Variants in GUCY2C observed in about 807,000 individuals in gnomAD.
GUCY2C encodes guanylate cyclase 2C.
In GUCY2C, 118 loss-of-function variants were observed where a neutral mutation model predicts 131.1. That is an observed-to-expected ratio of 0.90 (90% confidence interval 0.78 to 1.05). The LOEUF is 1.05. GUCY2C is among the 50% of genes least tolerant of loss of function. The pLI is 0.00. For synonymous variants in GUCY2C, 452 were observed against 457.8 expected, an observed-to-expected ratio of 0.99 and a Z score of 0.16; for missense variants, 1,161 against 1,304.4, an observed-to-expected ratio of 0.89 and a Z score of 1.69.
chr12:14,617,519 C>T (rs1446131819), intron 24 of GUCY2C, among the ~76,000 whole-genome samples: 3 of 152,124 alleles, frequency 2.0e-5, no homozygotes, highest in Middle Eastern at 3.2e-3. Flanking sequence ...ATAGCTAAAG[C>T]CTTGTGGGCA....
intron 17 of GUCY2C, among the ~76,000 whole-genome samples, chr12:14,643,155 A>G (rs1947442888): frequency 6.6e-6 from 1 of 152,192 alleles, no homozygotes; most frequent in Non-Finnish European, 1.5e-5. Context: ...TAAATGAATG[A>G]TGTCTTGAAT....
chr12:14,645,208 C>T, intron 16 of GUCY2C, 21 bp downstream of exon 16: 1 of 1,234,056 alleles, frequency 8.1e-7, no homozygotes, highest in South Asian at 1.3e-5. Flanking sequence ...TTCATATTTT[C>T]TGTGTGTGTG....
chr12:14,689,912 C>T (rs960456175), intron 1 of GUCY2C, among the ~76,000 whole-genome samples: 3 of 152,206 alleles, frequency 2.0e-5, no homozygotes, highest in African/African-American at 7.2e-5. Flanking sequence ...ACCCACACTT[C>T]TCACATGAAA....
intron 16 of GUCY2C, 103 bp from the exon 17 acceptor site, chr12:14,643,809 T>G: frequency 1.0e-6 from 1 of 966,092 alleles, no homozygotes; most frequent in Middle Eastern, 2.2e-4. Flanking sequence ...CAGCAGATGG[T>G]CACACCATCA....
At chr12:14,684,201 C>T (rs1948411706) in intron 3 of GUCY2C, among the ~76,000 whole-genome samples, 1 of 152,154 alleles carries the variant, frequency 6.6e-6, no homozygotes, top group South Asian at 2.1e-4. Context: ...GGACTTTCCT[C>T]CCATGAACTT....
At chr12:14,626,638 G>T (rs1326069508) in intron 20 of GUCY2C, among the ~76,000 whole-genome samples, 17 of 152,090 alleles carry the variant, frequency 1.1e-4, no homozygotes, top group Admixed American at 1.1e-3. Flanking sequence ...TATAACAAAA[G>T]TGTGGTTAAA....
chr12:14,679,754 C>A lies in GUCY2C; in HGVS notation c.734-1G>T. The A allele has an allele frequency of 6.6e-7, 1 of 1,508,430 alleles. No individual in the cohort carries two copies. The highest frequency in any genetic ancestry group is 9.2e-7 in the Non-Finnish European group (1 of 1,083,764). The allele number at this position is 1,508,430 out of a possible 1,614,324, so 93.4% of individuals were successfully genotyped here. A position where few individuals can be genotyped will look rare whatever the true frequency, so the allele number is the denominator to read the frequency against. On this transcript the variant is annotated splice_acceptor_variant, in intron 5 of 26. Coordinates refer to ENST00000261170, the MANE Select transcript of GUCY2C (RefSeq NM_004963.4). LOFTEE classifies it high-confidence loss of function. ...TCTGGACCACCACACATAATAATCA[C>A]TGGAGGAGAAGGTAAGACAAGGAGA...
chr12:14,632,748 G>A (rs909859586), intron 19 of GUCY2C, among the ~76,000 whole-genome samples: 1 of 152,170 alleles, frequency 6.6e-6, no homozygotes, highest in African/African-American at 2.4e-5. Flanking sequence ...CTCAGGACAG[G>A]TCCACCTGGC....
intron 18 of GUCY2C, 37 bp downstream of exon 18, chr12:14,641,045 A>C (rs1947391749): frequency 1.2e-6 from 2 of 1,602,484 alleles, no homozygotes; most frequent in Admixed American, 3.3e-5. Flanking sequence ...AGGTTGGCTC[A>C]CTCCCAGAGG....
rs577891695 is a variant in GUCY2C, at chr12:14,688,080, A to T, written c.218-17T>A. ...CATTTAGGCCTGTCGCCCAGAGATG[A>T]GGGAAAATAGAACACTAGTGTTATT... On this transcript the variant is annotated splice_polypyrimidine_tract_variant and intron_variant, in intron 1 of 26. Transcript: ENST00000261170. 1 of 1,438,232 alleles carries T rather than the reference A, an allele frequency of 7.0e-7. No homozygotes were observed. The highest frequency in any genetic ancestry group is 9.8e-7 in the Non-Finnish European group (1 of 1,019,814). 89.1% of individuals were successfully genotyped at this position (1,438,232 alleles called of 1,614,324 possible).
intron 19 of GUCY2C, among the ~76,000 whole-genome samples, chr12:14,639,038 T>C (rs762611873): frequency 7.9e-5 from 12 of 152,136 alleles, no homozygotes; most frequent in Non-Finnish European, 1.2e-4. Context: ...ACACCTATTA[T>C]GTAATCCCAG....
intron 7 of GUCY2C, among the ~76,000 whole-genome samples, chr12:14,675,246 G>GAAAA (rs71438324): frequency 2.0e-5 from 2 of 102,438 alleles, no homozygotes; most frequent in Non-Finnish European, 4.1e-5. Flanking sequence ...AAGAAAGAAA[G>GAAAA]AAAGAAAAAA....
rs143367522 is a variant in GUCY2C, at chr12:14,652,002, T to C, written c.1562A>G (p.Asn521Ser). 116 of 1,603,916 alleles carry C rather than the reference T, an allele frequency of 7.2e-5. No homozygotes were observed. In the African/African-American group the frequency reaches 1.4e-3, roughly 20 times the overall value. Residue 521 changes from asparagine to serine, a missense_variant, in exon 14 of 27, where the codon AAT (asparagine) becomes AGT (serine). Physicochemically the swap from Asn to Ser is conservative, Grantham distance 46. Transcript: ENST00000261170. ...CTGTTTTTCAGTGAAATTACCATCA[T>C]TGTGCTTGAGATCTTTGAGAATCAC... is the stretch of plus-strand genomic sequence containing the variant. ...KRVILKDLKH[N>S]DGNFTEKQKI...
chr12:14,675,736 AC>A (rs1202388307), intron 7 of GUCY2C, among the ~76,000 whole-genome samples: 2 of 152,168 alleles, frequency 1.3e-5, no homozygotes, highest in African/African-American at 4.8e-5. Context: ...CTGAACTGAG[AC>A]CAAGTGGGTT....
intron 1 of GUCY2C, among the ~76,000 whole-genome samples, chr12:14,690,362 C>T (rs1184723931): frequency 6.6e-6 from 1 of 152,164 alleles, no homozygotes; most frequent in East Asian, 1.9e-4. Flanking sequence ...TAATGGAGAA[C>T]TCCCATATTT....
chr12:14,658,608 G>C (rs7955505), intron 11 of GUCY2C, among the ~76,000 whole-genome samples: 70,213 of 152,040 alleles, frequency 0.46, 16,742 homozygotes, highest in East Asian at 0.72. Context: ...CCCAGGAGGT[G>C]GAGGTTGCAG....
In GUCY2C at chr12:14,672,897, C is replaced by CAGA; in HGVS notation, c.1143_1145dup (p.Leu382dup). The CAGA allele has an allele frequency of 6.2e-7, 1 of 1,605,588 alleles. No homozygotes were observed. Among genetic ancestry groups the CAGA allele is most frequent in the South Asian group, 1.1e-5 (1 of 90,890 alleles). On this transcript the variant is annotated inframe_insertion, in exon 9 of 27. Transcript: ENST00000261170. ...CTTTCTTGGTGTCCACAGAGGTATA[C>CAGA]AGAAGCACCATGGTACTGTCAACAT...
Position 14,614,958 on chromosome 12 carries a change from G to C in GUCY2C, c.2971-15C>G, listed in dbSNP as rs1946726595. 1 of 1,483,852 alleles carries C rather than the reference G, an allele frequency of 6.7e-7. No homozygotes were observed. Among genetic ancestry groups the C allele is most frequent in the Non-Finnish European group, 9.2e-7 (1 of 1,086,914 alleles). 91.9% of individuals were successfully genotyped at this position (1,483,852 alleles called of 1,614,324 possible). A position where few individuals can be genotyped will look rare whatever the true frequency, so the allele number is the denominator to read the frequency against. ...TTTCCTCTTCCCTGGTAAGACAAAA[G>C]AGTTACGTACCACGGAGTCCAAGGA... On this transcript the variant is annotated splice_polypyrimidine_tract_variant and intron_variant, in intron 25 of 26. Transcript: ENST00000261170.
rs778322069 is a variant in GUCY2C, at chr12:14,669,759, C to G, written c.1245G>C (p.Trp415Cys). 1 of 1,603,630 alleles carries G rather than the reference C, an allele frequency of 6.2e-7. No individual in the cohort carries two copies. Among genetic ancestry groups the G allele is most frequent in the African/African-American group, 1.3e-5 (1 of 74,634 alleles). The change falls in exon 10 of 27, where the codon TGG (tryptophan) becomes TGC (cysteine). Residue 415 changes from tryptophan to cysteine, a missense_variant. Transcript: ENST00000261170. ...TATCATTAGGAAGTTTAGAGTTCTTCCAAGTGAATGTGGGGCTCATATCCA... is the reference window on the plus strand; with the variant it reads ...TATCATTAGGAAGTTTAGAGTTCTTGCAAGTGAATGTGGGGCTCATATCCA... ...YPVDMSPTFT[W>C]KNSKLPNDIT...
Sources: gnomAD v4.1 joint callset for allele counts (sites outside exome capture counted in the v4.1 genomes callset) on GRCh38, gnomAD v4.1.1 for gene constraint, MANE v1.5 for transcripts, NCBI Gene and HGNC (gene_info 2026-07-23, HGNC 2026-07-21) for gene names.